ITSN1: variants seen among roughly 807,000 people sequenced by gnomAD.
The protein encoded by ITSN1 is intersectin 1.
In ITSN1, 58 loss-of-function variants were observed where a neutral mutation model predicts 239.8. That is an observed-to-expected ratio of 0.24 (90% CI 0.20 to 0.30). ITSN1 has a LOEUF of 0.30. Ranked by LOEUF, ITSN1 falls within the 10% of genes least tolerant of loss-of-function variation. The probability of loss-of-function intolerance (pLI) is 1.00; values close to 1 mark genes in which losing one functional copy is unlikely to be tolerated. For missense variants in ITSN1, 1,558 were observed against 2,103.3 expected (o/e 0.74, Z 5.07); for synonymous variants, 780 against 770.8 (o/e 1.01, Z -0.20).
chr21:33,690,815 G>GTATATA (rs1188283621), intron 1 of ITSN1, among the ~76,000 whole-genome samples: 4 of 11,078 alleles, frequency 3.6e-4, no homozygotes, highest in African/African-American at 7.3e-4. Flanking sequence ...ATATATATAT[G>GTATATA]TATATATATA....
chr21:33,868,982 A>G (rs1982240815), intron 33 of ITSN1, among the ~76,000 whole-genome samples: 1 of 150,390 alleles, frequency 6.6e-6, no homozygotes, highest in African/African-American at 2.5e-5. Context: ...TTTTTTTTCT[A>G]GAAGAAAATA....
chr21:33,827,009 A>G (rs577811730), intron 26 of ITSN1, 146 bp downstream of exon 26: 34 of 674,548 alleles, frequency 5.0e-5, no homozygotes, highest in African/African-American at 4.5e-4. Context: ...CTTGGAATCC[A>G]TTAATAATTT....
chr21:33,869,365 A>G (rs1027786940), intron 33 of ITSN1, among the ~76,000 whole-genome samples: 1 of 152,222 alleles, frequency 6.6e-6, no homozygotes. Flanking sequence ...AAACCATCAG[A>G]TATTGTGAGA....
At chr21:33,756,946 A>G (rs2067963770) in intron 8 of ITSN1, 1 of 151,986 alleles carries the variant, frequency 6.6e-6, no homozygotes, top group African/African-American at 2.4e-5. Flanking sequence ...TTGTATTTTT[A>G]GTAGAAACAG....
intron 4 of ITSN1, among the ~76,000 whole-genome samples, 180 bp from the exon 5 acceptor site, chr21:33,734,864 A>C (rs1482147801): frequency 1.3e-5 from 2 of 152,246 alleles, no homozygotes; most frequent in East Asian, 3.8e-4. Context: ...TTATGTTTAT[A>C]TAAAACTTGG....
chr21:33,875,498 G>A lies in ITSN1; in HGVS notation c.4318G>A (p.Val1440Met). The change falls in exon 34 of 40, where the codon GTG becomes ATG. Residue 1440 changes from valine to methionine, a missense_variant. Around this residue, in one of 2 missense-constraint regions of ITSN1, gnomAD observed 576 missense variants for 893.3 expected, o/e 0.64. Transcript: ENST00000381318. ...CCGGCTGGAGTGGATCCAGGCCCAC[G>A]TGCAGTGTGAAGGCCTGTCTGAGGT... ...SDRLEWIQAH[V>M]QCEGLSEQLV... The A allele has an allele frequency of 1.9e-6, 3 of 1,614,130 alleles. No homozygotes were observed. Among genetic ancestry groups the A allele is most frequent in the Non-Finnish European group, 1.7e-6 (2 of 1,180,002 alleles).
At chr21:33,781,845 C>A in intron 15 of ITSN1, 149 bp from the exon 16 acceptor site, 1 of 749,610 alleles carries the variant, frequency 1.3e-6, no homozygotes, top group Non-Finnish European at 2.1e-6. Flanking sequence ...CCCCAAAGTG[C>A]TGGGATTACA....
intron 1 of ITSN1, among the ~76,000 whole-genome samples, chr21:33,718,050 C>T (rs1026939493): frequency 6.6e-6 from 1 of 152,118 alleles, no homozygotes; most frequent in Non-Finnish European, 1.5e-5. Flanking sequence ...ACAGCTAACT[C>T]CACAGCGTTT....
intron 19 of ITSN1, among the ~76,000 whole-genome samples, chr21:33,801,109 C>T (rs535619550): frequency 3.2e-4 from 48 of 152,158 alleles, no homozygotes; most frequent in South Asian, 2.9e-3. Flanking sequence ...TGGGCTCAAA[C>T]GATCCTCCCA....
At chr21:33,732,771 A>C (rs2066267282) in intron 4 of ITSN1, among the ~76,000 whole-genome samples, 1 of 152,204 alleles carries the variant, frequency 6.6e-6, no homozygotes, top group Non-Finnish European at 1.5e-5. Context: ...TAAAATAAAA[A>C]ATGTTCTCTG....
chr21:33,788,472 T>A lies in ITSN1; in HGVS notation c.1825-5869T>A, dbSNP rs538155516. On this transcript the variant is annotated intron_variant, in intron 16 of 39. Transcript: ENST00000381318. ...CAGGCCAGGTGCAGTGGCTCATGCCTATAATCCTAACACTTTGGGAGTTCG... is the reference window on the plus strand; with the variant it reads ...CAGGCCAGGTGCAGTGGCTCATGCCAATAATCCTAACACTTTGGGAGTTCG... 5.3e-5 allele frequency among the ~76,000 whole-genome samples: 8 copies of A among 152,340 alleles called. No individual in the cohort carries two copies. In the South Asian group the frequency reaches 1.4e-3, roughly 28 times the overall value.
chr21:33,877,824 T>TG (rs1297164285), intron 34 of ITSN1, among the ~76,000 whole-genome samples: 49 of 122,240 alleles, frequency 4.0e-4, no homozygotes, highest in Admixed American at 3.0e-3. Context: ...TTGTTTCTAT[T>TG]TTGTGTGTGT....
At chr21:33,683,892 G>T (rs925397436) in intron 1 of ITSN1, among the ~76,000 whole-genome samples, 9 of 152,172 alleles carry the variant, frequency 5.9e-5, no homozygotes, top group African/African-American at 2.2e-4. Flanking sequence ...CAAGTAGGTT[G>T]GGAATGTGTG....
intron 30 of ITSN1, 57 bp from the exon 31 acceptor site, chr21:33,858,625 TGTGA>T: frequency 1.9e-6 from 2 of 1,034,416 alleles, no homozygotes; most frequent in Non-Finnish European, 1.5e-6. Flanking sequence ...CGGATCGGCG[TGTGA>T]GTGTGTGAGT....
intron 1 of ITSN1, among the ~76,000 whole-genome samples, chr21:33,669,910 A>G (rs897052340): frequency 3.3e-5 from 5 of 151,696 alleles, no homozygotes; most frequent in Admixed American, 6.6e-5. Context: ...CCTCCCCCTT[A>G]CACCTGATTT....
At chr21:33,786,310 T>C (rs2070674076) in intron 16 of ITSN1, among the ~76,000 whole-genome samples, 1 of 152,208 alleles carries the variant, frequency 6.6e-6, no homozygotes, top group African/African-American at 2.4e-5. Flanking sequence ...AAGAAATCGG[T>C]AGTCTTCTCA....
At chr21:33,757,555 T>C (rs893809142) in intron 8 of ITSN1, among the ~76,000 whole-genome samples, 1 of 152,200 alleles carries the variant, frequency 6.6e-6, no homozygotes, top group Non-Finnish European at 1.5e-5. Context: ...TAATTTTTTT[T>C]CCCTTTATGT....
At chr21:33,705,110 C>CAAA (rs1174530558) in intron 1 of ITSN1, among the ~76,000 whole-genome samples, 2 of 69,724 alleles carry the variant, frequency 2.9e-5, no homozygotes, top group African/African-American at 4.6e-5. Flanking sequence ...GACTCCGTCT[C>CAAA]AAAAAAAAAA....
intron 1 of ITSN1, among the ~76,000 whole-genome samples, chr21:33,658,881 T>C (rs1475685330): frequency 6.6e-6 from 1 of 152,226 alleles, no homozygotes; most frequent in African/African-American, 2.4e-5. Context: ...ATCTTTGGAA[T>C]TTCCTGAGTG....
Sources: gnomAD v4.1 joint callset for allele counts (sites outside exome capture counted in the v4.1 genomes callset) on GRCh38, gnomAD v4.1.1 for gene constraint, gnomAD v4.1.1 regional missense constraint, MANE v1.5 for transcripts, NCBI Gene and HGNC (gene_info 2026-07-23, HGNC 2026-07-21) for gene names.